Variants in TTC21B observed in about 807,000 individuals in gnomAD.
The protein encoded by TTC21B is tetratricopeptide repeat domain 21B.
In TTC21B, 127 loss-of-function variants were observed where a neutral mutation model predicts 175.1. That is an observed-to-expected ratio of 0.73 (90% CI 0.63 to 0.84). The LOEUF is 0.84. TTC21B is among the 40% of genes least tolerant of loss of function. The pLI is 0.00. For synonymous variants in TTC21B, 524 were observed against 524.5 expected (o/e 1.00, Z 0.01); for missense variants, 1,561 against 1,558.3 (o/e 1.00, Z -0.03).
At chr2:165,876,037 A>G (rs1684654308) in intron 28 of TTC21B, 128 bp downstream of exon 28, 1 of 672,330 alleles carries the variant, frequency 1.5e-6, no homozygotes, top group African/African-American at 1.8e-5. Flanking sequence ...AATCTCCCTA[A>G]ACATACTGAT....
intron 11 of TTC21B, 55 bp from the exon 12 acceptor site, chr2:165,924,733 A>T: frequency 6.8e-7 from 1 of 1,472,464 alleles, no homozygotes; most frequent in Non-Finnish European, 9.1e-7. Flanking sequence ...ATATTTACCT[A>T]AAATAAACAT....
At chr2:165,891,022 AT>A in intron 22 of TTC21B, 34 bp from the exon 23 acceptor site, 1 of 1,539,716 alleles carries the variant, frequency 6.5e-7, no homozygotes, top group Non-Finnish European at 9.0e-7. Context: ...TATGGGCACC[AT>A]TTTATACTGT....
rs1331516366 is a variant in TTC21B at position 165,888,451 on chromosome 2, G to A, written c.3287C>T (p.Ser1096Phe). Residue 1096 changes from serine to phenylalanine, a missense_variant, in exon 25 of 29, where the codon TCT (serine) becomes TTT (phenylalanine). Ser to Phe is a radical substitution (Grantham distance 155). Coordinates refer to ENST00000243344, the MANE Select transcript of TTC21B (RefSeq NM_024753.5). ...TGCTGTTCTTACTGCCAGTTGCACA[G>A]ATTCTTGCTTCTCAGTTGAATTACT... Reference protein sequence around the residue: ...DLGNSTEKQESVQLAVRTAEK... With the variant: ...DLGNSTEKQEFVQLAVRTAEK... 1.9e-6 allele frequency: 3 copies of A among 1,613,420 alleles called. No individual in the cohort carries two copies. The highest frequency in any genetic ancestry group is 2.5e-6 in the Non-Finnish European group (3 of 1,179,720).
chr2:165,925,650 G>A (rs943812368), intron 11 of TTC21B, among the ~76,000 whole-genome samples: 4 of 151,986 alleles, frequency 2.6e-5, no homozygotes, highest in Non-Finnish European at 5.9e-5. Flanking sequence ...GACTATTATT[G>A]CCTAGAATAC....
intron 11 of TTC21B, 106 bp downstream of exon 11, chr2:165,929,029 C>CT (rs1359785090): frequency 2.2e-5 from 22 of 997,184 alleles, no homozygotes; most frequent in African/African-American, 1.3e-4. Context: ...CAAATACTAC[C>CT]ATTTTAAGAT....
intron 22 of TTC21B, among the ~76,000 whole-genome samples, chr2:165,898,162 C>T (rs1237212057): frequency 2.0e-5 from 3 of 152,068 alleles, no homozygotes; most frequent in Admixed American, 2.0e-4. Flanking sequence ...AGCACAGTTC[C>T]ATGCTGATTA....
In TTC21B at chr2:165,915,191, A is replaced by G; in HGVS notation, c.2138+10T>C. 8.7e-6 allele frequency: 14 copies of G among 1,601,176 alleles called. No homozygotes were observed. The highest frequency in any genetic ancestry group is 1.2e-5 in the Non-Finnish European group (14 of 1,168,464). ...GTATCAAAATATAATGGGTTAAGACAATTACTTACCTAAAACAAGTGATAT... is the reference window on the plus strand; with the variant it reads ...GTATCAAAATATAATGGGTTAAGACGATTACTTACCTAAAACAAGTGATAT... On this transcript the variant is annotated intron_variant, in intron 15 of 28. Transcript: ENST00000243344.
At chr2:165,905,525 A>G (rs1160267524) in intron 19 of TTC21B, among the ~76,000 whole-genome samples, 1 of 152,192 alleles carries the variant, frequency 6.6e-6, no homozygotes, top group Non-Finnish European at 1.5e-5. Flanking sequence ...AGGAGATTTT[A>G]AAGCAAGAAG....
Position 165,930,732 on chromosome 2 carries a change from GGTGTGTGTGTGTGT to G in TTC21B, c.895-382_895-369del. 3.1e-3 allele frequency among the ~76,000 whole-genome samples: 341 copies of G among 110,918 alleles called. 3 individuals are homozygous for G. Among genetic ancestry groups the G allele is most frequent in the African/African-American group, 9.5e-3 (310 of 32,668 alleles). 72.8% of individuals were successfully genotyped at this position (110,918 alleles called of 152,430 possible). ...TATTTTATGGTTACGTGGGTATGGGGGTGTGTGTGTGTGTGTGTGTGTGTGTGTGTGTGTATAAT... is the reference window on the plus strand; with the variant it reads ...TATTTTATGGTTACGTGGGTATGGGGGTGTGTGTGTGTGTGTGTGTATAAT... On this transcript the variant is annotated intron_variant, in intron 8 of 28. Transcript: ENST00000243344.
chr2:165,930,768 T>TGTGTGTGTGTGTGTGTGTG (rs1686876179), intron 8 of TTC21B, among the ~76,000 whole-genome samples: 1 of 145,768 alleles, frequency 6.9e-6, no homozygotes, highest in Non-Finnish European at 1.5e-5. Flanking sequence ...TGTGTGTGTA[T>TGTGTGTGTGTGTGTGTGTG]AATATATGTA....
At position 165,943,313 on chromosome 2, in the gene TTC21B, A is replaced by G. The variant is rs1213410146; in HGVS notation, c.458T>C (p.Ile153Thr). The change falls in exon 5 of 29, where the codon ATT becomes ACT. Residue 153 changes from isoleucine (I) to threonine (T), a missense_variant. Coordinates refer to ENST00000243344, the MANE Select transcript of TTC21B (RefSeq NM_024753.5). ...QGHVLKAWLD[I>T]TRGKEPYTKK... The stretch of plus-strand genomic sequence containing the variant: ...AGTGTAAGGCTCTTTTCCTCTTGTA[A>G]TATCAAGCCATGCTTTCAAAACGTG... 1.9e-6 allele frequency: 3 copies of G among 1,610,252 alleles called. No individual in the cohort carries two copies. Among genetic ancestry groups the G allele is most frequent in the Non-Finnish European group, 2.5e-6 (3 of 1,176,740 alleles).
Position 165,874,188 on chromosome 2 carries a change from T to C in TTC21B, c.*567A>G, listed in dbSNP as rs945361051. The C allele has an allele frequency of 6.6e-6, 1 of 152,008 alleles. No homozygotes were observed. The highest frequency in any genetic ancestry group is 1.9e-4 in the East Asian group (1 of 5,180). The allele number at this position is 152,008 out of a possible 1,614,324, so 9.4% of individuals were successfully genotyped here. On this transcript the variant is annotated 3_prime_UTR_variant, in exon 29 of 29. Transcript: ENST00000243344. The stretch of plus-strand genomic sequence containing the variant: ...GGTGAAATCCCATCTCTACTAAAAA[T>C]ACAAAAAATTAGCCGGGTGTGATGG...
intron 26 of TTC21B, among the ~76,000 whole-genome samples, chr2:165,883,362 C>T (rs1245463251): frequency 6.6e-6 from 1 of 151,980 alleles, no homozygotes; most frequent in African/African-American, 2.4e-5. Flanking sequence ...TTTTCTCCCA[C>T]AAAATATATT....
intron 26 of TTC21B, among the ~76,000 whole-genome samples, chr2:165,881,366 T>G (rs1684828335): frequency 6.6e-6 from 1 of 152,174 alleles, no homozygotes; most frequent in African/African-American, 2.4e-5. Context: ...TAAATTTTAA[T>G]TGTCTCAATA....
intron 6 of TTC21B, among the ~76,000 whole-genome samples, chr2:165,939,519 T>C (rs1464992918): frequency 6.6e-6 from 1 of 152,208 alleles, no homozygotes; most frequent in Non-Finnish European, 1.5e-5. Flanking sequence ...TTAAGTGACA[T>C]GAATTCATCT....
chr2:165,895,708 T>C (rs1422440146), intron 22 of TTC21B, among the ~76,000 whole-genome samples: 5 of 151,968 alleles, frequency 3.3e-5, no homozygotes, highest in Non-Finnish European at 7.4e-5. Context: ...GCAATGTGGG[T>C]GGCAAGATGA....
chr2:165,931,908 A>AT (rs1686924877), intron 7 of TTC21B, 52 bp from the exon 8 acceptor site: 2 of 1,204,948 alleles, frequency 1.7e-6, no homozygotes, highest in Admixed American at 1.7e-5. Context: ...TAAAAACAAC[A>AT]TAATACATGC....
Position 165,924,539 on chromosome 2 carries a change from T to C in TTC21B, c.1516+10A>G, listed in dbSNP as rs2105335742. The C allele has an allele frequency of 6.2e-7, 1 of 1,612,478 alleles. No individual in the cohort carries two copies. Among genetic ancestry groups the C allele is most frequent in the African/African-American group, 1.3e-5 (1 of 74,994 alleles). Reference sequence around the variant, plus strand: ...ATAAAAAGGTTAAAAGTTTTTAAGGTATACTCTACCTGACAAATATTTCAC... The same window carrying C: ...ATAAAAAGGTTAAAAGTTTTTAAGGCATACTCTACCTGACAAATATTTCAC... On this transcript the variant is annotated intron_variant, in intron 12 of 28. Coordinates refer to ENST00000243344, the MANE Select transcript of TTC21B (RefSeq NM_024753.5).
chr2:165,913,670 T>C, intron 15 of TTC21B, 24 bp from the exon 16 acceptor site: 1 of 1,577,104 alleles, frequency 6.3e-7, no homozygotes, highest in Non-Finnish European at 8.7e-7. Flanking sequence ...CAACATTACT[T>C]AGCATATTGA....
Sources: gnomAD v4.1 joint callset for allele counts (sites outside exome capture counted in the v4.1 genomes callset) on GRCh38, gnomAD v4.1.1 for gene constraint, MANE v1.5 for transcripts, NCBI Gene and HGNC (gene_info 2026-07-23, HGNC 2026-07-21) for gene names.